The following HELZ variants were observed in gnomAD, a reference collection of about 807,000 sequenced individuals.
HELZ encodes the protein helicase with zinc finger.
In HELZ, 23 loss-of-function variants were observed where a neutral mutation model predicts 218.2. The ratio of observed to expected loss-of-function variants is 0.11; its 90% CI spans 0.08 to 0.15. HELZ has a LOEUF of 0.15. HELZ is among the 10% of genes least tolerant of loss of function. The pLI is 1.00. For missense variants in HELZ, 1,813 were observed against 2,353.7 expected (o/e 0.77, Z 4.75); for synonymous variants, 814 against 829.4 (o/e 0.98, Z 0.32).
At chr17:67,169,349 AG>A (rs1292819206) in intron 13 of HELZ, among the ~76,000 whole-genome samples, 1 of 152,292 alleles carries the variant, frequency 6.6e-6, no homozygotes, top group East Asian at 1.9e-4. Flanking sequence ...TCTAAGATCA[AG>A]GGGCTGGCAT....
chr17:67,214,697 C>CT (rs1331396274), intron 5 of HELZ, among the ~76,000 whole-genome samples: 1 of 152,190 alleles, frequency 6.6e-6, no homozygotes, highest in Non-Finnish European at 1.5e-5. Flanking sequence ...AACCACTGAG[C>CT]TCTGCAAACA....
chr17:67,075,680 G>A lies in HELZ; in HGVS notation c.*2572C>T, dbSNP rs1038239376. On this transcript the variant is annotated 3_prime_UTR_variant, in exon 33 of 33. Coordinates refer to ENST00000358691, the MANE Select transcript of HELZ (RefSeq NM_014877.4). ...TTCTTTAAAGCATGGTTGGAAAGAT[G>A]GCATTATGTAATGCTGAGGAAGAGT... The A allele has an allele frequency of 6.6e-6, 1 of 152,106 alleles. No homozygotes were observed. The highest frequency in any genetic ancestry group is 2.4e-5 in the African/African-American group (1 of 41,422). 9.4% of individuals were successfully genotyped at this position (152,106 alleles called of 1,614,324 possible). A position where few individuals can be genotyped will look rare whatever the true frequency, so the allele number is the denominator to read the frequency against.
intron 31 of HELZ, among the ~76,000 whole-genome samples, chr17:67,103,204 AT>A (rs2036983691): frequency 2.6e-5 from 4 of 152,158 alleles, no homozygotes; most frequent in Admixed American, 2.6e-4. Context: ...GTCATAATCC[AT>A]TTTTTGGGAA....
intron 28 of HELZ, among the ~76,000 whole-genome samples, chr17:67,110,437 T>G (rs1598242928): frequency 1.3e-5 from 2 of 152,338 alleles, no homozygotes; most frequent in African/African-American, 4.8e-5. Context: ...AAGATGTATC[T>G]CAATTTAAAC....
At chr17:67,225,608 C>T (rs1307183883) in intron 3 of HELZ, 1 of 152,220 alleles carries the variant, frequency 6.6e-6, no homozygotes, top group Non-Finnish European at 1.5e-5. Context: ...CACACACACA[C>T]CCCTAAGCCA....
intron 4 of HELZ, among the ~76,000 whole-genome samples, chr17:67,217,938 T>G (rs1429227638): frequency 6.6e-6 from 1 of 151,592 alleles, no homozygotes; most frequent in Non-Finnish European, 1.5e-5. Context: ...TTGTTTTTTT[T>G]TTTTTTAAGA....
At chr17:67,080,418 C>A (rs1192415586) in intron 32 of HELZ, among the ~76,000 whole-genome samples, 1 of 152,186 alleles carries the variant, frequency 6.6e-6, no homozygotes, top group East Asian at 1.9e-4. Flanking sequence ...CCTCCTCTAC[C>A]TCTTTTCAGA....
intron 32 of HELZ, among the ~76,000 whole-genome samples, chr17:67,084,890 C>T (rs376197001): frequency 1.2e-4 from 19 of 152,014 alleles, no homozygotes; most frequent in African/African-American, 4.1e-4. Context: ...GAGGCCAAGG[C>T]GGATGGATCA....
chr17:67,242,767 T>A (rs1263348922), intron 2 of HELZ, among the ~76,000 whole-genome samples: 1 of 150,652 alleles, frequency 6.6e-6, no homozygotes, highest in East Asian at 1.9e-4. Context: ...AAAAGAATCT[T>A]GGTTTATGTC....
At chr17:67,082,108 T>C (rs2036212641) in intron 32 of HELZ, among the ~76,000 whole-genome samples, 1 of 152,084 alleles carries the variant, frequency 6.6e-6, no homozygotes, top group East Asian at 1.9e-4. Context: ...ACTATCCGGC[T>C]CCCCTCATCA....
chr17:67,149,744 C>T, intron 19 of HELZ, 123 bp downstream of exon 19: 2 of 535,568 alleles, frequency 3.7e-6, no homozygotes, highest in Admixed American at 6.7e-5. Flanking sequence ...TAGTACAGAA[C>T]TATTTGAAGT....
chr17:67,136,470 G>T lies in HELZ; in HGVS notation c.2954-272C>A, dbSNP rs759904683. ...CATACATACTCAAAAGAACTGAAAG[G>T]AGTGACTCAAACAGATATCTGTATA... is the stretch of plus-strand genomic sequence containing the variant. On this transcript the variant is annotated intron_variant, in intron 22 of 32. Transcript: ENST00000358691. Among the ~76,000 whole-genome samples, 2 of 152,264 alleles carry T rather than the reference G, an allele frequency of 1.3e-5. 1 individual carries two copies. The highest frequency in any genetic ancestry group is 4.1e-4 in the South Asian group (2 of 4,830).
At chr17:67,245,254 G>A (rs865879678), upstream of HELZ, 1 of 956,666 alleles carries the variant, frequency 1.0e-6, no homozygotes, top group Middle Eastern at 5.4e-4. Flanking sequence ...CCCGACTCCC[G>A]CCTCCCGCCG....
At chr17:67,168,760 T>A (rs1222771468) in intron 13 of HELZ, among the ~76,000 whole-genome samples, 1 of 152,162 alleles carries the variant, frequency 6.6e-6, no homozygotes, top group Non-Finnish European at 1.5e-5. Context: ...AGAGTATGTG[T>A]AAAGGCAGCA....
At chr17:67,180,845 T>C (rs1168611079) in intron 12 of HELZ, among the ~76,000 whole-genome samples, 1 of 128,092 alleles carries the variant, frequency 7.8e-6, no homozygotes, top group Non-Finnish European at 1.5e-5. Context: ...GCCACTGCAC[T>C]CCAGCCTGGG....
intron 5 of HELZ, among the ~76,000 whole-genome samples, chr17:67,211,314 T>A (rs1598430179): frequency 6.6e-6 from 1 of 152,198 alleles, no homozygotes; most frequent in East Asian, 1.9e-4. Flanking sequence ...TAGGGAATTA[T>A]TAGAGAATTA....
At chr17:67,234,693 G>A (rs1325350170) in intron 3 of HELZ, among the ~76,000 whole-genome samples, 1 of 151,156 alleles carries the variant, frequency 6.6e-6, no homozygotes, top group East Asian at 1.9e-4. Flanking sequence ...ATAACAAAAA[G>A]TTAAATATTA....
At chr17:67,191,254 G>A (rs1485895694) in intron 9 of HELZ, among the ~76,000 whole-genome samples, 1 of 151,894 alleles carries the variant, frequency 6.6e-6, no homozygotes, top group East Asian at 1.9e-4. Flanking sequence ...ATATTAACTT[G>A]CTTGAAGCTT....
chr17:67,088,293 T>G (rs1432365126), intron 31 of HELZ, among the ~76,000 whole-genome samples: 2 of 152,200 alleles, frequency 1.3e-5, no homozygotes, highest in African/African-American at 4.8e-5. Flanking sequence ...CAGTTATGAC[T>G]CTCAGAAATT....
Sources: allele counts gnomAD v4.1 joint callset (sites outside exome capture counted in the v4.1 genomes callset), GRCh38; gene constraint gnomAD v4.1.1; transcripts MANE v1.5; gene names NCBI Gene and HGNC (gene_info 2026-07-23, HGNC 2026-07-21).